The following HERC1 variants were observed in gnomAD, a reference collection of about 807,000 sequenced individuals.
HERC1 encodes probable E3 ubiquitin-protein ligase HERC1.
Under a neutral mutation model 554.3 loss-of-function variants are expected in HERC1, and 160 were observed. The ratio of observed to expected loss-of-function variants is 0.29; its 90% CI spans 0.25 to 0.33. The LOEUF (loss-of-function observed/expected upper bound fraction) is 0.33, where lower values mean the gene tolerates loss of function less well. Ranked by LOEUF, HERC1 falls within the 10% of genes least tolerant of loss-of-function variation. The pLI is 1.00. For synonymous variants in HERC1, 2,175 were observed against 2,131.7 expected, an observed-to-expected ratio of 1.02 and a Z score of -0.56; for missense variants, 4,919 against 5,918.5, an observed-to-expected ratio of 0.83 and a Z score of 5.54.
chr15:63,695,580 G>T (rs1410997774), intron 27 of HERC1, among the ~76,000 whole-genome samples: 1 of 151,730 alleles, frequency 6.6e-6, no homozygotes, highest in African/African-American at 2.4e-5. Context: ...TAGAGACGGG[G>T]TTTCGCCATG....
At chr15:63,637,009 T>C (rs556911419) in intron 64 of HERC1, 1 of 397,902 alleles carries the variant, frequency 2.5e-6, no homozygotes, top group Admixed American at 3.4e-5. Flanking sequence ...GTCGGTGCTC[T>C]CTTTGTAGGC....
chr15:63,711,541 T>C (rs779654219), intron 24 of HERC1, among the ~76,000 whole-genome samples: 1 of 152,228 alleles, frequency 6.6e-6, no homozygotes, highest in Non-Finnish European at 1.5e-5. Context: ...ACTGTTCAAC[T>C]TTCCTTAGAT....
chr15:63,623,595 C>T (rs1435903739), intron 73 of HERC1, 130 bp downstream of exon 73: 9 of 894,986 alleles, frequency 1.0e-5, no homozygotes, highest in Non-Finnish European at 1.2e-5. Context: ...AACAGCATCA[C>T]TTTATATGAG....
At chr15:63,829,476 A>T (rs1163293947) in intron 1 of HERC1, among the ~76,000 whole-genome samples, 10 of 35,706 alleles carry the variant, frequency 2.8e-4, no homozygotes, top group African/African-American at 1.3e-3. Context: ...ATATGTTTAT[A>T]TAAATATATA....
chr15:63,643,940 T>C (rs1302899947), intron 57 of HERC1, among the ~76,000 whole-genome samples: 2 of 152,224 alleles, frequency 1.3e-5, no homozygotes, highest in Admixed American at 6.5e-5. Context: ...ACATGCTGAC[T>C]CTATATAAAT....
intron 25 of HERC1, among the ~76,000 whole-genome samples, chr15:63,699,869 A>C (rs1356153756): frequency 6.6e-6 from 1 of 152,204 alleles, no homozygotes; most frequent in Non-Finnish European, 1.5e-5. Context: ...AATTCTTACA[A>C]ATCTTTAATT....
chr15:63,625,171 T>C (rs902282699), intron 71 of HERC1, among the ~76,000 whole-genome samples: 1 of 152,198 alleles, frequency 6.6e-6, no homozygotes, highest in Non-Finnish European at 1.5e-5. Context: ...ACTTTGTTAC[T>C]GGACTAGTCC....
Position 63,656,336 on chromosome 15 carries a change from C to T in HERC1, c.9622G>A (p.Ala3208Thr), listed in dbSNP as rs1341540238. The T allele has an allele frequency of 6.2e-7, 1 of 1,611,776 alleles. No individual in the cohort carries two copies. Among genetic ancestry groups the T allele is most frequent in the African/African-American group, 1.3e-5 (1 of 74,930 alleles). ...SVSGSSCSLA[A>T]GLESLGLTDI... ...GTTAGCCCCAGAGACTCAAGACCAG[C>T]AGCCAGGCTACAACTGGAACCACTG... is the stretch of plus-strand genomic sequence containing the variant. Residue 3208 changes from alanine (A) to threonine (T), a missense_variant, in exon 49 of 78, where the codon GCT (alanine) becomes ACT (threonine). Ala to Thr is a moderately conservative substitution (Grantham distance 58, BLOSUM62 0). This residue lies in a region of HERC1 where 1,963 missense variants were observed against 2,228.6 expected (regional missense o/e 0.88). Transcript: ENST00000443617.
chr15:63,627,256 C>T (rs118084831), intron 70 of HERC1, among the ~76,000 whole-genome samples: 3 of 152,084 alleles, frequency 2.0e-5, no homozygotes, highest in African/African-American at 4.8e-5. Flanking sequence ...TAGGACCCCC[C>T]CTAAGAAATA....
chr15:63,680,407 A>C lies in HERC1; in HGVS notation c.6465+130T>G, dbSNP rs1038040064. On this transcript the variant is annotated intron_variant, in intron 35 of 77. Transcript: ENST00000443617. This position sits in a 1 kb window ranked among gnomAD's most constrained non-coding sequence, Gnocchi z 5.8. ...TTTGTTGTTAATAAATGTTTTAAGA[A>C]CCAGAAAGTATTAGAGAGAAAGGAG... 1.9e-6 allele frequency: 2 copies of C among 1,051,052 alleles called. No individual in the cohort carries two copies. The highest frequency in any genetic ancestry group is 3.2e-5 in the African/African-American group (2 of 62,060). The allele number at this position is 1,051,052 out of a possible 1,614,324, so 65.1% of individuals were successfully genotyped here.
intron 1 of HERC1, among the ~76,000 whole-genome samples, chr15:63,812,603 T>G (rs1209468270): frequency 6.6e-6 from 1 of 152,094 alleles, no homozygotes; most frequent in Admixed American, 6.5e-5. Flanking sequence ...ATAAGCAGAA[T>G]ATGAAAATAA....
At chr15:63,762,680 A>C (rs1378211123) in intron 3 of HERC1, among the ~76,000 whole-genome samples, 1 of 152,206 alleles carries the variant, frequency 6.6e-6, no homozygotes, top group East Asian at 1.9e-4. Context: ...GTAGGAAGAC[A>C]ATTCATTAAA....
rs939656323 is a variant in HERC1, at chr15:63,633,967, C to T, written c.12574G>A (p.Ala4192Thr). ...GCCAAAGTGTGGTTTAATCCACAGG[C>T]CACCTAAAGAAATAACAGCATTCCG... is the stretch of plus-strand genomic sequence containing the variant. ...ALEGYQIGQV[A>T]CGLNHTLAVS... Residue 4192 changes from alanine (A) to threonine (T), a missense_variant, in exon 67 of 78, where the codon GCC becomes ACC. Around this residue, in one of 11 missense-constraint regions of HERC1, gnomAD observed 410 missense variants for 467.0 expected, o/e 0.88. Coordinates refer to ENST00000443617, the MANE Select transcript of HERC1 (RefSeq NM_003922.4). The T allele has an allele frequency of 4.3e-6, 7 of 1,613,668 alleles. No homozygotes were observed. The highest frequency in any genetic ancestry group is 3.3e-5 in the Admixed American group (2 of 59,982).
intron 1 of HERC1, among the ~76,000 whole-genome samples, chr15:63,792,889 T>C (rs897524141): frequency 6.6e-6 from 1 of 152,222 alleles, no homozygotes; most frequent in African/African-American, 2.4e-5. Flanking sequence ...TTGTTTTATC[T>C]GTGCTTCTGA....
Position 63,636,153 on chromosome 15 carries a change from A to G in HERC1, c.12233-11T>C. 6.2e-7 allele frequency: 1 copy of G among 1,610,988 alleles called. No homozygotes were observed. The highest frequency in any genetic ancestry group is 8.5e-7 in the Non-Finnish European group (1 of 1,178,316). Reference sequence around the variant, plus strand: ...GGGTCACCACAAAGCCTGGAACAGAACAGAAACCCAACAGGAGTCACTGGA... The same window carrying G: ...GGGTCACCACAAAGCCTGGAACAGAGCAGAAACCCAACAGGAGTCACTGGA... On this transcript the variant is annotated splice_polypyrimidine_tract_variant and intron_variant, in intron 64 of 77. Transcript: ENST00000443617.
At chr15:63,760,677 A>G (rs2075583078) in intron 3 of HERC1, among the ~76,000 whole-genome samples, 1 of 151,992 alleles carries the variant, frequency 6.6e-6, no homozygotes, top group Non-Finnish European at 1.5e-5. Context: ...TTCAAGAAAA[A>G]CTGACAAATA....
At chr15:63,633,790 T>C in intron 67 of HERC1, 58 bp downstream of exon 67, 4 of 1,542,424 alleles carry the variant, frequency 2.6e-6, no homozygotes, top group East Asian at 2.3e-5. Context: ...TAATAACTAC[T>C]GACATAGATG....
At chr15:63,815,624 T>G (rs780447980) in intron 1 of HERC1, among the ~76,000 whole-genome samples, 1 of 152,226 alleles carries the variant, frequency 6.6e-6, no homozygotes, top group Non-Finnish European at 1.5e-5. Flanking sequence ...GAAAAATGTC[T>G]TATTTACCTA....
chr15:63,791,527 C>A (rs773825683), intron 1 of HERC1, among the ~76,000 whole-genome samples: 9 of 152,134 alleles, frequency 5.9e-5, no homozygotes, highest in Non-Finnish European at 1.3e-4. Flanking sequence ...AATAGAACAT[C>A]CAACTAGTAA....
Sources: allele counts gnomAD v4.1 joint callset (sites outside exome capture counted in the v4.1 genomes callset), GRCh38; gene constraint gnomAD v4.1.1; regional missense constraint gnomAD v4.1.1; non-coding constraint Gnocchi (gnomAD v3.1); transcripts MANE v1.5; gene names NCBI Gene and HGNC (gene_info 2026-07-23, HGNC 2026-07-21).